NAV3: variants seen among roughly 807,000 people sequenced by gnomAD.
NAV3 encodes pore membrane and/or filament interacting like protein 1.
In NAV3, 87 loss-of-function variants were observed where a neutral mutation model predicts 244.7. The ratio of observed to expected loss-of-function variants is 0.36; its 90% confidence interval spans 0.30 to 0.42. The LOEUF (loss-of-function observed/expected upper bound fraction) is 0.42, where lower values mean the gene tolerates loss of function less well. Among genes scored for constraint, NAV3 ranks in the 20% least tolerant of loss-of-function variants. NAV3 has a pLI of 1.00. For synonymous variants in NAV3, 1,126 were observed against 1,042.2 expected, an observed-to-expected ratio of 1.08 and a Z score of -1.55; for missense variants, 2,663 against 2,893.3, an observed-to-expected ratio of 0.92 and a Z score of 1.83.
intron 5 of NAV3, 123 bp downstream of exon 5, chr12:77,968,825 T>C (rs544784609): frequency 4.3e-6 from 4 of 937,486 alleles, no homozygotes; most frequent in African/African-American, 1.7e-5. Flanking sequence ...GTGATGGGAT[T>C]ATTTGACTTG....
At chr12:78,107,768 G>A (rs1377159258) in intron 12 of NAV3, among the ~76,000 whole-genome samples, 1 of 152,042 alleles carries the variant, frequency 6.6e-6, no homozygotes, top group Non-Finnish European at 1.5e-5. Context: ...GAAACTAGTA[G>A]TGAAAGGACG....
intron 3 of NAV3, among the ~76,000 whole-genome samples, chr12:77,952,668 T>A (rs939745931): frequency 1.3e-5 from 2 of 152,138 alleles, no homozygotes; most frequent in African/African-American, 4.8e-5. Flanking sequence ...TGATTGAGAT[T>A]GCTCTTTCTA....
At chr12:77,601,153 T>C (rs1870411154) in intron 2 of NAV3, among the ~76,000 whole-genome samples, 1 of 151,942 alleles carries the variant, frequency 6.6e-6, no homozygotes, top group African/African-American at 2.4e-5. Flanking sequence ...ACAAATACCC[T>C]CTGATGTAGG....
chr12:77,724,108 T>A (rs902090864), intron 2 of NAV3, among the ~76,000 whole-genome samples: 1 of 151,966 alleles, frequency 6.6e-6, no homozygotes, highest in African/African-American at 2.4e-5. Context: ...ATATTCTAGA[T>A]GCACATGTAA....
rs771218162 is a variant in NAV3 at position 78,212,722 on chromosome 12, G to C, written c.*2205G>C. 1 of 152,596 alleles carries C rather than the reference G, an allele frequency of 6.6e-6. No individual in the cohort carries two copies. Among genetic ancestry groups the C allele is most frequent in the Non-Finnish European group, 1.5e-5 (1 of 68,028 alleles). The allele number at this position is 152,596 out of a possible 1,614,324, so 9.5% of individuals were successfully genotyped here. On this transcript the variant is annotated 3_prime_UTR_variant, in exon 40 of 40. Coordinates refer to ENST00000397909, the MANE Select transcript of NAV3 (RefSeq NM_001024383.2). ...TCCACCTAGTTTACAACTTAAACTAGTTTGTGAAACATTTGTCTGTATACA... is the reference window on the plus strand; with the variant it reads ...TCCACCTAGTTTACAACTTAAACTACTTTGTGAAACATTTGTCTGTATACA...
intron 7 of NAV3, among the ~76,000 whole-genome samples, chr12:78,005,244 A>G (rs1475366257): frequency 1.3e-5 from 2 of 152,220 alleles, no homozygotes; most frequent in Non-Finnish European, 2.9e-5. Context: ...TTTTGGTTTT[A>G]GAGATTATTT....
intron 38 of NAV3, among the ~76,000 whole-genome samples, chr12:78,203,979 A>T (rs1335371783): frequency 6.6e-6 from 1 of 151,996 alleles, no homozygotes; most frequent in African/African-American, 2.4e-5. Flanking sequence ...CAGTACTTTA[A>T]CCAGGCTATA....
intron 8 of NAV3, among the ~76,000 whole-genome samples, chr12:78,019,314 G>T (rs2619056): frequency 6.6e-6 from 1 of 151,824 alleles, no homozygotes; most frequent in Non-Finnish European, 1.5e-5. Flanking sequence ...TTTTACCGTT[G>T]TGGCTAATAT....
chr12:77,790,288 G>GA (rs537842259), intron 2 of NAV3, among the ~76,000 whole-genome samples: 41 of 151,978 alleles, frequency 2.7e-4, no homozygotes, highest in Non-Finnish European at 4.3e-4. Context: ...TGACTCACCA[G>GA]AAAAAAAATA....
intron 18 of NAV3, 65 bp downstream of exon 18, chr12:78,128,931 G>A (rs1318495164): frequency 2.0e-6 from 3 of 1,478,486 alleles, no homozygotes; most frequent in Non-Finnish European, 2.8e-6. Context: ...CAGAAACCCT[G>A]GAATCTCTCC....
chr12:78,054,101 A>G (rs1883148560), intron 11 of NAV3, among the ~76,000 whole-genome samples: 1 of 152,244 alleles, frequency 6.6e-6, no homozygotes, highest in Non-Finnish European at 1.5e-5. Context: ...AGGAGAAAGT[A>G]CTAAACCCTC....
At chr12:77,632,878 A>T (rs2136923724) in intron 2 of NAV3, among the ~76,000 whole-genome samples, 1 of 152,300 alleles carries the variant, frequency 6.6e-6, no homozygotes, top group Non-Finnish European at 1.5e-5. Flanking sequence ...GATATATCAT[A>T]ATTTAAAATC....
intron 7 of NAV3, among the ~76,000 whole-genome samples, chr12:78,000,191 A>G (rs1873005430): frequency 1.3e-5 from 2 of 152,182 alleles, no homozygotes; most frequent in African/African-American, 4.8e-5. Flanking sequence ...TATGCTTAGA[A>G]GGCAGTGCAA....
chr12:77,823,685 G>A (rs978187416), intron 2 of NAV3, among the ~76,000 whole-genome samples: 1 of 152,042 alleles, frequency 6.6e-6, no homozygotes, highest in Non-Finnish European at 1.5e-5. Context: ...CAGTATACAA[G>A]TGTACAATTC....
At position 78,189,010 on chromosome 12, in the gene NAV3, A is replaced by G. The variant is rs1158529895; in HGVS notation, c.6055+233A>G. Among the ~76,000 whole-genome samples the G allele has an allele frequency of 3.9e-5, 6 of 152,006 alleles. No individual in the cohort carries two copies. The East Asian group carries it at 1.2e-3, about 29-fold the overall frequency. On this transcript the variant is annotated intron_variant, in intron 33 of 39. Transcript: ENST00000397909. ...TTTGGGTTCTGGGATTTGAAGATTCAAGACTCACAAAAAGGAATGTGATTT... is the reference window on the plus strand; with the variant it reads ...TTTGGGTTCTGGGATTTGAAGATTCGAGACTCACAAAAAGGAATGTGATTT...
At chr12:78,025,432 C>G (rs928262926) in intron 9 of NAV3, among the ~76,000 whole-genome samples, 14 of 151,528 alleles carry the variant, frequency 9.2e-5, no homozygotes, top group Admixed American at 9.2e-4. Flanking sequence ...CTCATCTTTA[C>G]TAAAAGTACA....
intron 2 of NAV3, among the ~76,000 whole-genome samples, chr12:77,745,988 T>TA (rs35139297): frequency 0.028 from 3,019 of 107,536 alleles, 106 homozygotes; most frequent in African/African-American, 0.081. Context: ...AGACTTAAGG[T>TA]AAAAAAAAAA....
chr12:77,979,559 C>A lies in NAV3; in HGVS notation c.671+10857C>A, dbSNP rs568205983. ...TTGCATGTTTCAGTAACTTATCTTGCTTATGAGACTTTAACCATTAGTCAA... is the reference window on the plus strand; with the variant it reads ...TTGCATGTTTCAGTAACTTATCTTGATTATGAGACTTTAACCATTAGTCAA... On this transcript the variant is annotated intron_variant, in intron 5 of 39. Transcript: ENST00000397909. 3.0e-4 allele frequency among the ~76,000 whole-genome samples: 45 copies of A among 151,944 alleles called. 1 individual carries two copies. Among genetic ancestry groups the A allele is most frequent in the Admixed American group, 3.0e-3 (45 of 15,222 alleles).
At chr12:77,833,752 G>T (rs370496689) in intron 1 of NAV3, among the ~76,000 whole-genome samples, 2 of 152,142 alleles carry the variant, frequency 1.3e-5, no homozygotes, top group Non-Finnish European at 2.9e-5. Context: ...TGAGTGCAAG[G>T]TTCTTTTGAA....
Sources: gnomAD v4.1 joint callset for allele counts (sites outside exome capture counted in the v4.1 genomes callset) on GRCh38, gnomAD v4.1.1 for gene constraint, MANE v1.5 for transcripts, NCBI Gene and HGNC (gene_info 2026-07-23, HGNC 2026-07-21) for gene names.